Variants in HIVEP3 observed in about 807,000 individuals in gnomAD.
HIVEP3 encodes the protein HIVEP zinc finger 3, also known as transcription factor HIVEP3.
In HIVEP3, 49 loss-of-function variants were observed where a neutral mutation model predicts 152.8. The ratio of observed to expected loss-of-function variants is 0.32; its 90% CI spans 0.26 to 0.41. The LOEUF (loss-of-function observed/expected upper bound fraction) is 0.41, where lower values mean the gene tolerates loss of function less well. Among genes scored for constraint, HIVEP3 ranks in the 10% least tolerant of loss-of-function variants. The probability of loss-of-function intolerance (pLI) is 1.00; values close to 1 mark genes in which losing one functional copy is unlikely to be tolerated. For missense variants in HIVEP3, 2,790 were observed against 3,103.3 expected (o/e 0.90, Z 2.40); for synonymous variants, 1,269 against 1,289.0 (o/e 0.98, Z 0.33).
chr1:41,784,781 T>C (rs1020473916), intron 1 of HIVEP3, among the ~76,000 whole-genome samples: 1 of 152,242 alleles, frequency 6.6e-6, no homozygotes, highest in Non-Finnish European at 1.5e-5. Context: ...CATCTCCGTT[T>C]ACATAGAAAA....
chr1:41,725,471 T>C (rs2124176540), intron 1 of HIVEP3, among the ~76,000 whole-genome samples: 1 of 152,340 alleles, frequency 6.6e-6, no homozygotes, highest in African/African-American at 2.4e-5. Flanking sequence ...GCAACAGCAA[T>C]GGAATAACTA....
intron 1 of HIVEP3, among the ~76,000 whole-genome samples, chr1:41,989,493 G>C (rs1384198335): frequency 6.6e-6 from 1 of 152,178 alleles, no homozygotes; most frequent in Non-Finnish European, 1.5e-5. Flanking sequence ...TTTATAGCAA[G>C]TGGTCATGGA....
chr1:41,696,206 T>G (rs1646271682), intron 2 of HIVEP3, among the ~76,000 whole-genome samples: 1 of 152,244 alleles, frequency 6.6e-6, no homozygotes, highest in South Asian at 2.1e-4. Context: ...TGCAATGTCT[T>G]GGGAAGTCTC....
intron 1 of HIVEP3, among the ~76,000 whole-genome samples, chr1:41,769,285 G>A (rs1046724304): frequency 1.3e-5 from 2 of 152,172 alleles, no homozygotes; most frequent in South Asian, 2.1e-4. Flanking sequence ...CCAACCCTAC[G>A]GGGGGTTAGT....
At chr1:41,935,513 A>T (rs1242772924) in intron 1 of HIVEP3, among the ~76,000 whole-genome samples, 1 of 152,080 alleles carries the variant, frequency 6.6e-6, no homozygotes, top group East Asian at 1.9e-4. Flanking sequence ...CAGAATGGCA[A>T]CAAGGGACTA....
At chr1:41,667,445 C>T (rs1645812832) in intron 2 of HIVEP3, among the ~76,000 whole-genome samples, 1 of 152,246 alleles carries the variant, frequency 6.6e-6, no homozygotes, top group South Asian at 2.1e-4. Flanking sequence ...TCCCACAGGG[C>T]TCAGCAGGCC....
chr1:41,623,491 T>C (rs1645073932), intron 3 of HIVEP3, among the ~76,000 whole-genome samples: 1 of 152,238 alleles, frequency 6.6e-6, no homozygotes, highest in African/African-American at 2.4e-5. Flanking sequence ...GTCCCTTTTC[T>C]ATGGGGTGAG....
At chr1:41,804,805 T>C (rs1015352260) in intron 1 of HIVEP3, among the ~76,000 whole-genome samples, 1 of 152,324 alleles carries the variant, frequency 6.6e-6, no homozygotes, top group Admixed American at 6.5e-5. Flanking sequence ...TTAGAGGAGT[T>C]ACTCACATGC....
chr1:41,587,020 T>C lies in HIVEP3; in HGVS notation c.-521-1702A>G, dbSNP rs1644515781. On this transcript the variant is annotated intron_variant, in intron 3 of 8. Coordinates refer to ENST00000372583, the MANE Select transcript of HIVEP3 (RefSeq NM_024503.5). ...TTATGGTGTTTCTATAATTCAGCTATATATTTATATATGAGCTTCCTGGCA... is the reference window on the plus strand; with the variant it reads ...TTATGGTGTTTCTATAATTCAGCTACATATTTATATATGAGCTTCCTGGCA... Among the ~76,000 whole-genome samples, 5 of 152,228 alleles carry C rather than the reference T, an allele frequency of 3.3e-5. No individual in the cohort carries two copies. The South Asian group carries it at 8.3e-4, about 25-fold the overall frequency.
intron 1 of HIVEP3, among the ~76,000 whole-genome samples, chr1:41,875,503 T>C (rs1047227217): frequency 2.6e-4 from 39 of 152,276 alleles, no homozygotes; most frequent in African/African-American, 9.4e-4. Flanking sequence ...TGTCATGCCC[T>C]GGCTTAAAAC....
chr1:41,990,674 C>G (rs1364215367), intron 1 of HIVEP3, among the ~76,000 whole-genome samples: 1 of 151,662 alleles, frequency 6.6e-6, no homozygotes, highest in East Asian at 1.9e-4. Flanking sequence ...ACAGAACTCT[C>G]CACCACAAAT....
At chr1:41,632,223 T>C (rs772303755) in intron 2 of HIVEP3, among the ~76,000 whole-genome samples, 3 of 152,180 alleles carry the variant, frequency 2.0e-5, no homozygotes, top group Non-Finnish European at 4.4e-5. Context: ...TGTGGAACAA[T>C]TCTCTTTAGC....
At chr1:41,818,308 G>A (rs1311798235) in intron 1 of HIVEP3, among the ~76,000 whole-genome samples, 1 of 152,180 alleles carries the variant, frequency 6.6e-6, no homozygotes, top group Non-Finnish European at 1.5e-5. Flanking sequence ...TAATGCCTGT[G>A]TTGGTGAGCA....
At chr1:41,837,905 C>T (rs1487338220) in intron 1 of HIVEP3, among the ~76,000 whole-genome samples, 2 of 152,174 alleles carry the variant, frequency 1.3e-5, no homozygotes, top group Non-Finnish European at 2.9e-5. Context: ...ATCTTAGCAA[C>T]AATCTCAGGA....
rs1558046102 is a variant in HIVEP3 at position 41,544,820 on chromosome 1, T to TACCACCACCATC, written c.5208-19922_5208-19911dup. ...CCATCACCACCACCACTACCACCTCTACCACCACCATCACCACCACCACTA... is the reference window on the plus strand; with the variant it reads ...CCATCACCACCACCACTACCACCTCTACCACCACCATCACCACCACCATCACCACCACCACTA... On this transcript the variant is annotated intron_variant, in intron 5 of 8. Coordinates refer to ENST00000372583, the MANE Select transcript of HIVEP3 (RefSeq NM_024503.5). Among the ~76,000 whole-genome samples, 104 of 24,554 alleles carry TACCACCACCATC rather than the reference T, an allele frequency of 4.2e-3. 1 individual carries two copies. The highest frequency in any genetic ancestry group is 0.019 in the African/African-American group (94 of 4,888). 16.1% of individuals were successfully genotyped at this position (24,554 alleles called of 152,430 possible).
chr1:42,033,059 G>A (rs558674407), intron 1 of HIVEP3, among the ~76,000 whole-genome samples: 2 of 152,204 alleles, frequency 1.3e-5, no homozygotes, highest in Admixed American at 6.5e-5. Flanking sequence ...ACAGGTGCCC[G>A]CATGCAGAGG....
At chr1:41,523,090 A>G (rs1416956927) in intron 6 of HIVEP3, among the ~76,000 whole-genome samples, 5 of 152,242 alleles carry the variant, frequency 3.3e-5, no homozygotes, top group Non-Finnish European at 1.5e-5. Context: ...GACTTGGGTG[A>G]TAAGTTTTCC....
At position 41,833,612 on chromosome 1, in the gene HIVEP3, A is replaced by C. The variant is rs138752106; in HGVS notation, c.-801+84801T>G. Among the ~76,000 whole-genome samples, 437 of 152,276 alleles carry C rather than the reference A, an allele frequency of 2.9e-3. 1 individual carries two copies. Among genetic ancestry groups the C allele is most frequent in the Middle Eastern group, 0.01 (3 of 294 alleles). ...CTGCCCCTCCAGGATTGTAATTACC[A>C]TTATAAAAGCAGCAGAATCTGAGGG... On this transcript the variant is annotated intron_variant, in intron 1 of 8. Transcript: ENST00000372583.
chr1:41,879,220 T>C (rs1644223037), intron 1 of HIVEP3, among the ~76,000 whole-genome samples: 1 of 152,178 alleles, frequency 6.6e-6, no homozygotes, highest in Admixed American at 6.5e-5. Flanking sequence ...TGCCTGACAT[T>C]ATCTATCTAG....
Sources: allele counts gnomAD v4.1 joint callset (sites outside exome capture counted in the v4.1 genomes callset), GRCh38; gene constraint gnomAD v4.1.1; transcripts MANE v1.5; gene names NCBI Gene and HGNC (gene_info 2026-07-23, HGNC 2026-07-21).